EPC2: variants seen among roughly 807,000 people sequenced by gnomAD.
EPC2 encodes enhancer of polycomb homolog 2.
Under a neutral mutation model 92.1 loss-of-function variants are expected in EPC2, and 14 were observed. That is an observed-to-expected ratio of 0.15 (90% CI 0.10 to 0.24). The LOEUF (loss-of-function observed/expected upper bound fraction) is 0.24, where lower values mean the gene tolerates loss of function less well. Among genes scored for constraint, EPC2 ranks in the 10% least tolerant of loss-of-function variants. The probability of loss-of-function intolerance (pLI) is 1.00; values close to 1 mark genes in which losing one functional copy is unlikely to be tolerated. For synonymous variants in EPC2, 340 were observed against 334.7 expected (o/e 1.02, Z -0.17); for missense variants, 755 against 971.5 (o/e 0.78, Z 2.96).
chr2:148,739,830 C>CTTTTTTTTTT (rs879739457), intron 2 of EPC2, among the ~76,000 whole-genome samples: 34 of 96,674 alleles, frequency 3.5e-4, no homozygotes, highest in East Asian at 1.2e-3. Context: ...TTTTCTTCTT[C>CTTTTTTTTTT]TTCTTTTTTT....
In EPC2 at chr2:148,783,673, G is replaced by A. The variant is rs1487162353; in HGVS notation, c.1934G>A (p.Ser645Asn). The change falls in exon 12 of 14, where the codon AGT becomes AAT. Residue 645 changes from serine (S) to asparagine (N), a missense_variant. Physicochemically the swap from Ser to Asn is conservative, Grantham distance 46. Coordinates refer to ENST00000258484, the MANE Select transcript of EPC2 (RefSeq NM_015630.4). ...SAHFAASAVVSAPVPSRSEVA... is the reference protein window; with the variant it reads ...SAHFAASAVVNAPVPSRSEVA... ...CACTTTGCTGCATCTGCAGTGGTCA[G>A]TGCACCTGTTCCAAGTCGCAGTGAG... 1 of 1,600,690 alleles carries A rather than the reference G, an allele frequency of 6.2e-7. No homozygotes were observed. Among genetic ancestry groups the A allele is most frequent in the South Asian group, 1.1e-5 (1 of 88,508 alleles).
intron 2 of EPC2, among the ~76,000 whole-genome samples, chr2:148,739,317 A>C (rs1416400627): frequency 1.3e-5 from 2 of 150,316 alleles, no homozygotes; most frequent in South Asian, 4.1e-4. Context: ...ATTGAATTGC[A>C]TGCTACTCAT....
At chr2:148,685,900 C>T (rs570468953) in intron 1 of EPC2, among the ~76,000 whole-genome samples, 8 of 152,324 alleles carry the variant, frequency 5.3e-5, no homozygotes, top group South Asian at 2.1e-4. Context: ...TGGTTGCTAA[C>T]GGTCATCTGA....
In EPC2 at chr2:148,647,619, C is replaced by CTTT. The variant is rs55731814; in HGVS notation, c.153+2474_153+2476dup. 6.3e-4 allele frequency among the ~76,000 whole-genome samples: 40 copies of CTTT among 63,740 alleles called. 1 individual carries two copies. Among genetic ancestry groups the CTTT allele is most frequent in the African/African-American group, 2.0e-3 (31 of 15,728 alleles). The allele number at this position is 63,740 out of a possible 152,430, so 41.8% of individuals were successfully genotyped here. A position where few individuals can be genotyped will look rare whatever the true frequency, so the allele number is the denominator to read the frequency against. ...ACTGCGCCTGGCCGCGCCTTGCAGA[C>CTTT]TTTTTTTTTTTTTTTTTTTTTTTTT... On this transcript the variant is annotated intron_variant, in intron 1 of 13. Transcript: ENST00000258484.
At chr2:148,655,059 A>C (rs1270847860) in intron 1 of EPC2, among the ~76,000 whole-genome samples, 3 of 152,196 alleles carry the variant, frequency 2.0e-5, no homozygotes, top group African/African-American at 7.2e-5. Flanking sequence ...TATGGTATTG[A>C]TGAGGGTAGT....
chr2:148,783,078 G>C (rs2105441917), intron 11 of EPC2, among the ~76,000 whole-genome samples: 1 of 152,284 alleles, frequency 6.6e-6, no homozygotes, highest in South Asian at 2.1e-4. Flanking sequence ...ACTTGCTCAA[G>C]GACTAGGGCT....
intron 2 of EPC2, among the ~76,000 whole-genome samples, chr2:148,715,462 A>G (rs1316848947): frequency 6.6e-6 from 1 of 152,072 alleles, no homozygotes; most frequent in African/African-American, 2.4e-5. Context: ...TTTTCCGAGC[A>G]CCATTTATTA....
chr2:148,646,552 T>G (rs941934872), intron 1 of EPC2, among the ~76,000 whole-genome samples: 1 of 152,040 alleles, frequency 6.6e-6, no homozygotes, highest in Non-Finnish European at 1.5e-5. Context: ...ACCCAGCATT[T>G]ATCCCTAAGG....
At chr2:148,743,543 A>G (rs1574617692) in intron 2 of EPC2, 79 bp from the exon 3 acceptor site, 1 of 1,134,682 alleles carries the variant, frequency 8.8e-7, no homozygotes, top group Non-Finnish European at 1.2e-6. Flanking sequence ...ATTTAGAGGT[A>G]GTCTGCAGTC....
At chr2:148,784,102 G>A (rs1349008674) in intron 12 of EPC2, among the ~76,000 whole-genome samples, 1 of 152,134 alleles carries the variant, frequency 6.6e-6, no homozygotes, top group African/African-American at 2.4e-5. Flanking sequence ...AGATAATCCA[G>A]GACAGTAATA....
intron 2 of EPC2, among the ~76,000 whole-genome samples, chr2:148,719,199 C>G (rs764022311): frequency 2.6e-5 from 4 of 152,174 alleles, no homozygotes; most frequent in Non-Finnish European, 5.9e-5. Flanking sequence ...TCCTTTAGCT[C>G]AGTGAACTTC....
At position 148,691,563 on chromosome 2, in the gene EPC2, T is replaced by A. The variant is rs1681644350; in HGVS notation, c.313+1190T>A. ...GCAGTGAAATTGCATCTTAAATTGC[T>A]GTTGTTCAGGATTGAAGTCTTGTTC... On this transcript the variant is annotated intron_variant, in intron 2 of 13. Coordinates refer to ENST00000258484, the MANE Select transcript of EPC2 (RefSeq NM_015630.4). 5 of 1,550,608 alleles carry A rather than the reference T, an allele frequency of 3.2e-6. No individual in the cohort carries two copies. In the East Asian group the frequency reaches 9.8e-5, roughly 30 times the overall value.
rs1304167765 is a variant in EPC2, at chr2:148,663,188, G to GT, written c.153+18023dup. Among the ~76,000 whole-genome samples, 325 of 125,160 alleles carry GT rather than the reference G, an allele frequency of 2.6e-3. 1 individual carries two copies. The highest frequency in any genetic ancestry group is 5.0e-3 in the Admixed American group (57 of 11,374). 82.1% of individuals were successfully genotyped at this position (125,160 alleles called of 152,430 possible). A position where few individuals can be genotyped will look rare whatever the true frequency, so the allele number is the denominator to read the frequency against. On this transcript the variant is annotated intron_variant, in intron 1 of 13. Coordinates refer to ENST00000258484, the MANE Select transcript of EPC2 (RefSeq NM_015630.4). The stretch of plus-strand genomic sequence containing the variant: ...AGATGCCTCAAAAGGTATCTACTGT[G>GT]TTTTTGTATTATTATTATTATTATT...
chr2:148,703,335 T>A (rs189776491), intron 2 of EPC2, among the ~76,000 whole-genome samples: 2,306 of 152,268 alleles, frequency 0.015, 31 homozygotes, highest in Non-Finnish European at 0.022. Context: ...AGTTTTTTTT[T>A]AAAAAGTATG....
intron 1 of EPC2, among the ~76,000 whole-genome samples, chr2:148,658,593 C>CTGTG (rs771108217): frequency 2.1e-5 from 3 of 140,478 alleles, no homozygotes; most frequent in East Asian, 2.2e-4. Context: ...TGAAGATTAG[C>CTGTG]TGTGTGTGTG....
At chr2:148,755,357 A>G (rs1261901995) in intron 4 of EPC2, among the ~76,000 whole-genome samples, 1 of 152,174 alleles carries the variant, frequency 6.6e-6, no homozygotes, top group African/African-American at 2.4e-5. Flanking sequence ...ACATGAGGAA[A>G]GAGAGGTTTA....
chr2:148,673,038 GCTGAGAAATGCA>G (rs1186224083), intron 1 of EPC2, among the ~76,000 whole-genome samples: 4 of 152,086 alleles, frequency 2.6e-5, no homozygotes, highest in African/African-American at 9.7e-5. Context: ...TAACGTTTCT[GCTGAGAAATGCA>G]CTGATAAATC....
intron 1 of EPC2, among the ~76,000 whole-genome samples, chr2:148,668,369 A>G (rs1681094161): frequency 6.6e-6 from 1 of 152,136 alleles, no homozygotes; most frequent in Non-Finnish European, 1.5e-5. Context: ...ATTGCATTTC[A>G]GTTCATAAAT....
chr2:148,660,372 G>A (rs1488300115), intron 1 of EPC2, among the ~76,000 whole-genome samples: 2 of 152,088 alleles, frequency 1.3e-5, no homozygotes, highest in African/African-American at 4.8e-5. Context: ...TGGGTCACTG[G>A]TCTAAAGGGA....
Sources: allele counts gnomAD v4.1 joint callset (sites outside exome capture counted in the v4.1 genomes callset), GRCh38; gene constraint gnomAD v4.1.1; transcripts MANE v1.5; gene names NCBI Gene and HGNC (gene_info 2026-07-23, HGNC 2026-07-21).